PDE10A: variants seen among roughly 807,000 people sequenced by gnomAD.
The protein encoded by PDE10A is phosphodiesterase 10A, also known as cAMP and cAMP-inhibited cGMP 3',5'-cyclic phosphodiesterase 10A.
A neutral mutation model predicts 97.7 loss-of-function variants in PDE10A; 39 were observed. The observed-to-expected ratio is 0.40, with a 90% CI of 0.31 to 0.52. The LOEUF (loss-of-function observed/expected upper bound fraction) is 0.52, where lower values mean the gene tolerates loss of function less well. Among genes scored for constraint, PDE10A ranks in the 20% least tolerant of loss-of-function variants. The probability of loss-of-function intolerance (pLI) is 0.56; values close to 1 mark genes in which losing one functional copy is unlikely to be tolerated. For missense variants in PDE10A, 731 were observed against 1,047.8 expected, an observed-to-expected ratio of 0.70 and a Z score of 4.17; for synonymous variants, 371 against 376.8, an observed-to-expected ratio of 0.98 and a Z score of 0.18.
At chr6:165,367,002 T>C (rs779119905) in intron 18 of PDE10A, among the ~76,000 whole-genome samples, 1 of 152,126 alleles carries the variant, frequency 6.6e-6, no homozygotes, top group African/African-American at 2.4e-5. Flanking sequence ...TGTATTACAC[T>C]GTCTAGAGTA....
chr6:165,521,053 G>T (rs1035254653), intron 2 of PDE10A, among the ~76,000 whole-genome samples: 8 of 152,106 alleles, frequency 5.3e-5, no homozygotes, highest in Non-Finnish European at 1.2e-4. Flanking sequence ...CCAACAGCAT[G>T]TGCTCACTTG....
At chr6:165,334,445 C>T (rs938508647) in intron 21 of PDE10A, among the ~76,000 whole-genome samples, 14 of 151,390 alleles carry the variant, frequency 9.2e-5, no homozygotes, top group Non-Finnish European at 1.2e-4. Context: ...CGCCCTACAG[C>T]GCCGGGCACA....
chr6:165,365,537 T>C (rs915678479), intron 18 of PDE10A, among the ~76,000 whole-genome samples: 1 of 151,956 alleles, frequency 6.6e-6, no homozygotes, highest in Non-Finnish European at 1.5e-5. Flanking sequence ...CTCAACAAAT[T>C]ATCTCAACAA....
At chr6:165,576,292 T>C (rs978889499) in intron 1 of PDE10A, 5 of 689,468 alleles carry the variant, frequency 7.3e-6, no homozygotes, top group Admixed American at 6.4e-5. Context: ...AAAGTTCTCA[T>C]CAATTGATAA....
chr6:165,785,271 C>T (rs925474996), intron 1 of PDE10A, among the ~76,000 whole-genome samples: 1 of 152,222 alleles, frequency 6.6e-6, no homozygotes, highest in South Asian at 2.1e-4. Flanking sequence ...CATGTCCTAG[C>T]TACTCAGTAA....
chr6:165,616,002 T>A (rs2128403771), intron 1 of PDE10A, among the ~76,000 whole-genome samples: 1 of 152,378 alleles, frequency 6.6e-6, no homozygotes, highest in African/African-American at 2.4e-5. Context: ...ACCCACAAAT[T>A]TGAATTTTCT....
At chr6:165,707,441 C>A (rs1218235176) in intron 1 of PDE10A, among the ~76,000 whole-genome samples, 1 of 152,238 alleles carries the variant, frequency 6.6e-6, no homozygotes, top group African/African-American at 2.4e-5. Flanking sequence ...GAGGCCTCAC[C>A]TCAAGGTGTT....
intron 1 of PDE10A, among the ~76,000 whole-genome samples, chr6:165,568,283 G>A (rs1010693320): frequency 2.0e-5 from 3 of 152,116 alleles, no homozygotes; most frequent in Admixed American, 2.0e-4. Context: ...ACAGGCGTGA[G>A]CCACCGCATC....
At chr6:165,461,390 G>T (rs187413896) in intron 3 of PDE10A, among the ~76,000 whole-genome samples, 1 of 152,100 alleles carries the variant, frequency 6.6e-6, no homozygotes, top group Non-Finnish European at 1.5e-5. Context: ...TTTACAGATG[G>T]ATCTAGTAAT....
chr6:165,878,925 G>T (rs996750938), intron 1 of PDE10A, among the ~76,000 whole-genome samples: 1 of 152,180 alleles, frequency 6.6e-6, no homozygotes, highest in Non-Finnish European at 1.5e-5. Context: ...AAGGAAGATG[G>T]TCTGCTGACA....
At position 165,871,897 on chromosome 6, in the gene PDE10A, C is replaced by T. The variant is rs117893929; in HGVS notation, c.-615+115632G>A. Among the ~76,000 whole-genome samples, 18 of 152,208 alleles carry T rather than the reference C, an allele frequency of 1.2e-4. No individual in the cohort carries two copies. In the East Asian group the frequency reaches 3.1e-3, roughly 26 times the overall value. On this transcript the variant is annotated intron_variant, in intron 1 of 19. Coordinates refer to the PDE10A transcript ENST00000366882. ...GGGAAAGGGCAAGAGGAGATAGGAT[C>T]GAAGGTGGAAATCAAGGTATTTTCA...
intron 1 of PDE10A, among the ~76,000 whole-genome samples, chr6:165,835,691 G>T (rs982942099): frequency 6.6e-6 from 1 of 152,114 alleles, no homozygotes; most frequent in African/African-American, 2.4e-5. Flanking sequence ...TGAGAGACCG[G>T]AGCTCCCGCC....
At chr6:165,826,174 T>C (rs928409223) in intron 1 of PDE10A, among the ~76,000 whole-genome samples, 7 of 152,314 alleles carry the variant, frequency 4.6e-5, no homozygotes, top group African/African-American at 1.7e-4. Context: ...CACAATGTCC[T>C]TGCCTTTTAT....
intron 1 of PDE10A, among the ~76,000 whole-genome samples, chr6:165,834,485 A>G (rs1370361889): frequency 1.3e-5 from 2 of 152,212 alleles, no homozygotes; most frequent in African/African-American, 2.4e-5. Context: ...TGAGACGATC[A>G]GAGCCCAGGT....
At chr6:165,858,415 G>T (rs1240468922) in intron 1 of PDE10A, among the ~76,000 whole-genome samples, 1 of 152,164 alleles carries the variant, frequency 6.6e-6, no homozygotes, top group African/African-American at 2.4e-5. Flanking sequence ...GTTGCTTCCT[G>T]GCATTTTGAT....
chr6:165,357,624 G>A (rs989427409), intron 18 of PDE10A, among the ~76,000 whole-genome samples: 22 of 151,986 alleles, frequency 1.4e-4, no homozygotes, highest in Admixed American at 3.3e-4. Flanking sequence ...AAATTTATCC[G>A]GTTCATCTAA....
chr6:165,358,344 T>A (rs1783167000), intron 18 of PDE10A, among the ~76,000 whole-genome samples: 2 of 152,040 alleles, frequency 1.3e-5, no homozygotes. Flanking sequence ...TAGTTCTGTG[T>A]TTTTTTGTTC....
intron 1 of PDE10A, among the ~76,000 whole-genome samples, chr6:165,804,687 A>G (rs1467131607): frequency 1.3e-5 from 2 of 151,806 alleles, no homozygotes; most frequent in African/African-American, 4.8e-5. Flanking sequence ...CGTGGTCGCG[A>G]AGGGGAAGAG....
intron 1 of PDE10A, among the ~76,000 whole-genome samples, chr6:165,707,142 C>T (rs974079531): frequency 1.3e-5 from 2 of 152,204 alleles, no homozygotes; most frequent in East Asian, 3.9e-4. Flanking sequence ...CTATTTGACC[C>T]TCAAAGTAGC....
Sources: gnomAD v4.1 joint callset for allele counts (sites outside exome capture counted in the v4.1 genomes callset) on GRCh38, gnomAD v4.1.1 for gene constraint, MANE v1.5 for transcripts, NCBI Gene and HGNC (gene_info 2026-07-23, HGNC 2026-07-21) for gene names.